Variants in CSMD1 observed in about 807,000 individuals in gnomAD.
CSMD1 encodes the protein CUB and Sushi multiple domains 1.
Under a neutral mutation model 417.5 loss-of-function variants are expected in CSMD1, and 213 were observed. That is an observed-to-expected ratio of 0.51 (90% CI 0.46 to 0.57). The LOEUF (loss-of-function observed/expected upper bound fraction) is 0.57, where lower values mean the gene tolerates loss of function less well. CSMD1 is among the 20% of genes least tolerant of loss of function. The pLI is 0.00. For missense variants in CSMD1, 6,923 were observed against 4,529.7 expected (o/e 1.53, Z -15.17); for synonymous variants, 2,862 against 1,736.8 (o/e 1.65, Z -16.11).
chr8:4,427,888 A>G (rs182669127), intron 2 of CSMD1, among the ~76,000 whole-genome samples: 51 of 152,296 alleles, frequency 3.3e-4, no homozygotes, highest in African/African-American at 1.1e-3. Context: ...ACTACTTAAT[A>G]TAATGTCTCT....
intron 10 of CSMD1, among the ~76,000 whole-genome samples, chr8:3,529,654 A>C (rs1025910610): frequency 2.0e-4 from 30 of 152,208 alleles, no homozygotes; most frequent in Admixed American, 1.8e-3. Flanking sequence ...TTTGAGGAAG[A>C]GTATCAGCTT....
intron 3 of CSMD1, among the ~76,000 whole-genome samples, chr8:4,391,296 TTCTTC>T (rs759187083): frequency 3.1e-4 from 47 of 152,188 alleles, no homozygotes; most frequent in Non-Finnish European, 5.4e-4. Flanking sequence ...ACTCTACCCT[TTCTTC>T]TCTTAAGACA....
intron 30 of CSMD1, among the ~76,000 whole-genome samples, chr8:3,213,117 C>T (rs1019471230): frequency 2.6e-5 from 4 of 152,024 alleles, no homozygotes; most frequent in Non-Finnish European, 2.9e-5. Flanking sequence ...GTGAGCCACG[C>T]GCCCAGTCTC....
intron 25 of CSMD1, among the ~76,000 whole-genome samples, chr8:3,295,835 T>C (rs1358686119): frequency 3.9e-5 from 6 of 152,216 alleles, no homozygotes; most frequent in South Asian, 4.1e-4. Flanking sequence ...AAGTTGATCA[T>C]CATTTTGCAT....
At chr8:4,491,000 G>C (rs373470578) in intron 2 of CSMD1, among the ~76,000 whole-genome samples, 1 of 152,170 alleles carries the variant, frequency 6.6e-6, no homozygotes, top group Non-Finnish European at 1.5e-5. Context: ...GGCTCACAGT[G>C]TATTGAGGCT....
chr8:3,454,134 C>T (rs185966959), intron 12 of CSMD1, among the ~76,000 whole-genome samples: 1 of 152,074 alleles, frequency 6.6e-6, no homozygotes, highest in African/African-American at 2.4e-5. Context: ...AGGATTGCAA[C>T]CCCTGCCTTT....
intron 3 of CSMD1, among the ~76,000 whole-genome samples, chr8:4,287,100 A>C (rs1797102979): frequency 6.6e-6 from 1 of 152,202 alleles, no homozygotes; most frequent in African/African-American, 2.4e-5. Flanking sequence ...AATCTACTTC[A>C]CACAAAACAA....
At chr8:4,056,750 T>C (rs558745594) in intron 3 of CSMD1, among the ~76,000 whole-genome samples, 1 of 152,178 alleles carries the variant, frequency 6.6e-6, no homozygotes, top group African/African-American at 2.4e-5. Flanking sequence ...GCGTTCTCAT[T>C]GTTCAATTCC....
intron 2 of CSMD1, among the ~76,000 whole-genome samples, chr8:4,559,190 C>T (rs1036315351): frequency 3.3e-5 from 5 of 152,118 alleles, no homozygotes; most frequent in African/African-American, 7.2e-5. Flanking sequence ...TGAGCATATG[C>T]TGGCTTTAGT....
chr8:4,930,367 GCGCA>G lies in CSMD1; in HGVS notation c.85+63961_85+63964del, dbSNP rs752291808. ...TAATTCTGATTTCATTCATAGGTGC[GCGCA>G]CACACACACACGCATATATATATAC... is the stretch of plus-strand genomic sequence containing the variant. On this transcript the variant is annotated intron_variant, in intron 1 of 69. Transcript: ENST00000635120. Among the ~76,000 whole-genome samples, 221 of 152,020 alleles carry G rather than the reference GCGCA, an allele frequency of 1.5e-3. 7 individuals are homozygous for G. The East Asian group carries it at 0.017, about 11-fold the overall frequency.
chr8:3,468,666 C>A, intron 12 of CSMD1, 46 bp downstream of exon 12: 1 of 1,255,398 alleles, frequency 8.0e-7, no homozygotes, highest in Non-Finnish European at 1.1e-6. Flanking sequence ...TCTGCCCTCT[C>A]TTGGAATGCT....
intron 33 of CSMD1, among the ~76,000 whole-genome samples, chr8:3,191,119 G>C (rs1796395848): frequency 6.6e-6 from 1 of 152,178 alleles, no homozygotes; most frequent in African/African-American, 2.4e-5. Flanking sequence ...CCATCATGTT[G>C]CATTTAGTCC....
chr8:4,314,096 G>T (rs764488921), intron 3 of CSMD1, among the ~76,000 whole-genome samples: 17 of 151,854 alleles, frequency 1.1e-4, no homozygotes, highest in Non-Finnish European at 2.2e-4. Context: ...GGAGATGGGG[G>T]ATTCAACACT....
At chr8:4,284,061 G>C (rs1385406632) in intron 3 of CSMD1, among the ~76,000 whole-genome samples, 1 of 151,516 alleles carries the variant, frequency 6.6e-6, no homozygotes, top group South Asian at 2.1e-4. Context: ...TGTGAAACCT[G>C]GTCTCTACTA....
chr8:3,499,144 G>C (rs1167790746), intron 10 of CSMD1, among the ~76,000 whole-genome samples: 1 of 152,100 alleles, frequency 6.6e-6, no homozygotes, highest in African/African-American at 2.4e-5. Flanking sequence ...AGTTTTAGTA[G>C]GAAAAAACTT....
intron 3 of CSMD1, among the ~76,000 whole-genome samples, chr8:4,188,231 G>A (rs995603566): frequency 9.9e-5 from 15 of 152,104 alleles, no homozygotes; most frequent in East Asian, 1.9e-4. Flanking sequence ...ATTTGACTCT[G>A]AGGACCCAGA....
intron 5 of CSMD1, among the ~76,000 whole-genome samples, chr8:3,952,568 A>G (rs1811662994): frequency 6.6e-6 from 1 of 152,204 alleles, no homozygotes; most frequent in Non-Finnish European, 1.5e-5. Context: ...CAGAGGCAGA[A>G]AACAGATCAG....
intron 29 of CSMD1, among the ~76,000 whole-genome samples, chr8:3,217,084 A>G (rs1420204516): frequency 6.6e-6 from 1 of 151,932 alleles, no homozygotes; most frequent in Non-Finnish European, 1.5e-5. Context: ...TCCAGGCTGG[A>G]TACAATAGCA....
intron 1 of CSMD1, among the ~76,000 whole-genome samples, chr8:4,909,874 T>G (rs948048854): frequency 1.3e-5 from 2 of 152,168 alleles, no homozygotes; most frequent in Non-Finnish European, 2.9e-5. Context: ...GAGAAGTCAT[T>G]GATTTGGGGT....
Sources: gnomAD v4.1 joint callset for allele counts (sites outside exome capture counted in the v4.1 genomes callset) on GRCh38, gnomAD v4.1.1 for gene constraint, MANE v1.5 for transcripts, NCBI Gene and HGNC (gene_info 2026-07-23, HGNC 2026-07-21) for gene names.